Variants in FTO observed in about 807,000 individuals in gnomAD.
The protein encoded by FTO is FTO alpha-ketoglutarate dependent dioxygenase.
In FTO, 47 loss-of-function variants were observed where a neutral mutation model predicts 63.9. The observed-to-expected ratio is 0.74, with a 90% confidence interval of 0.58 to 0.94. The LOEUF is 0.94. Among genes scored for constraint, FTO ranks in the 40% least tolerant of loss-of-function variants. The pLI is 0.00. For synonymous variants in FTO, 207 were observed against 224.4 expected, an observed-to-expected ratio of 0.92 and a Z score of 0.69; for missense variants, 562 against 618.1, an observed-to-expected ratio of 0.91 and a Z score of 0.96.
intron 2 of FTO, among the ~76,000 whole-genome samples, chr16:53,820,201 G>T (rs1325568826): frequency 6.6e-6 from 1 of 151,736 alleles, no homozygotes; most frequent in Non-Finnish European, 1.5e-5. Context: ...TAGAAACAGG[G>T]TTTTACCTTG....
intron 8 of FTO, among the ~76,000 whole-genome samples, chr16:54,062,699 A>G (rs1259537312): frequency 6.6e-6 from 1 of 152,182 alleles, no homozygotes; most frequent in Admixed American, 6.5e-5. Context: ...GCTAGCAGCC[A>G]TAAGGAGAGA....
At chr16:53,823,646 A>G (rs1260934453) in intron 2 of FTO, among the ~76,000 whole-genome samples, 2 of 152,030 alleles carry the variant, frequency 1.3e-5, no homozygotes, top group Non-Finnish European at 2.9e-5. Context: ...TAAATTGTTT[A>G]TTTAGTTGTT....
In FTO at chr16:53,908,378, C is replaced by T. The variant is rs115262187; in HGVS notation, c.1239+19427C>T. Reference sequence around the variant, plus strand: ...TTTGGGATGTTGCCTCTGGCAGAACCTCAGTTATGGCCTCTGTCATTCTCC... The same window carrying T: ...TTTGGGATGTTGCCTCTGGCAGAACTTCAGTTATGGCCTCTGTCATTCTCC... On this transcript the variant is annotated intron_variant, in intron 7 of 8. Coordinates refer to ENST00000471389, the MANE Select transcript of FTO (RefSeq NM_001080432.3). Among the ~76,000 whole-genome samples the T allele has an allele frequency of 3.3e-3, 498 of 152,256 alleles. 1 individual carries two copies. Among genetic ancestry groups the T allele is most frequent in the African/African-American group, 0.011 (454 of 41,550 alleles).
intron 8 of FTO, chr16:53,991,365 C>G (rs2083806324): frequency 6.6e-6 from 1 of 152,200 alleles, no homozygotes; most frequent in African/African-American, 2.4e-5. Flanking sequence ...GCTGTGACAG[C>G]TCTTTCATGT....
chr16:53,995,284 T>C (rs1205760916), intron 8 of FTO, among the ~76,000 whole-genome samples: 1 of 152,252 alleles, frequency 6.6e-6, no homozygotes, highest in East Asian at 1.9e-4. Flanking sequence ...GGGAGATGCA[T>C]AGTAACTAGC....
chr16:54,025,993 C>A (rs1401073283), intron 8 of FTO, among the ~76,000 whole-genome samples: 1 of 151,226 alleles, frequency 6.6e-6, no homozygotes, highest in African/African-American at 2.4e-5. Context: ...ACCTGGGCAA[C>A]AGAGCAAGGC....
chr16:53,960,404 C>T (rs1424341593), intron 8 of FTO, among the ~76,000 whole-genome samples: 1 of 152,170 alleles, frequency 6.6e-6, no homozygotes, highest in Non-Finnish European at 1.5e-5. Context: ...TTGGAGCTGC[C>T]AACTTGTTTT....
chr16:54,039,654 C>T (rs2144266747), intron 8 of FTO: 1 of 152,354 alleles, frequency 6.6e-6, no homozygotes, highest in South Asian at 2.1e-4. Context: ...ATTCTCCACA[C>T]TTGTTCTAAC....
chr16:53,901,456 A>G (rs928959285), intron 7 of FTO, among the ~76,000 whole-genome samples: 30 of 152,346 alleles, frequency 2.0e-4, no homozygotes, highest in Middle Eastern at 3.4e-3. Flanking sequence ...TTATTTTGAA[A>G]TAAAGCCAAA....
chr16:53,797,071 C>G (rs561169680), intron 1 of FTO, among the ~76,000 whole-genome samples: 2 of 152,240 alleles, frequency 1.3e-5, no homozygotes, highest in Admixed American at 6.5e-5. Context: ...CTCTCTTTCT[C>G]TCTCCCTTTT....
At chr16:54,093,214 AC>A (rs1290727276) in intron 8 of FTO, among the ~76,000 whole-genome samples, 4 of 152,132 alleles carry the variant, frequency 2.6e-5, no homozygotes, top group African/African-American at 9.6e-5. Flanking sequence ...GGGCACTAGG[AC>A]CTTTGCGAGT....
At chr16:53,935,958 T>C (rs1330133102) in intron 8 of FTO, 1 of 152,204 alleles carries the variant, frequency 6.6e-6, no homozygotes, top group Non-Finnish European at 1.5e-5. Context: ...CTGTAATATC[T>C]CCTCTGCTTC....
At chr16:53,960,798 C>A (rs1261210954) in intron 8 of FTO, among the ~76,000 whole-genome samples, 1 of 152,028 alleles carries the variant, frequency 6.6e-6, no homozygotes, top group African/African-American at 2.4e-5. Context: ...AGATCCAGAG[C>A]AAAGACAAAT....
intron 8 of FTO, among the ~76,000 whole-genome samples, chr16:54,095,748 C>T (rs528495753): frequency 2.2e-4 from 34 of 152,236 alleles, no homozygotes; most frequent in African/African-American, 7.0e-4. Context: ...TGCTGCCCCC[C>T]GCCTGGGACT....
chr16:53,979,140 C>T (rs559246470), intron 8 of FTO, among the ~76,000 whole-genome samples: 106 of 151,980 alleles, frequency 7.0e-4, no homozygotes, highest in African/African-American at 2.4e-3. Context: ...AATAATTTTC[C>T]TCAATATATA....
At chr16:53,992,191 G>C (rs2083827672) in intron 8 of FTO, 1 of 152,190 alleles carries the variant, frequency 6.6e-6, no homozygotes, top group Admixed American at 6.5e-5. Flanking sequence ...AAACAACCAT[G>C]TTCTTTTTAT....
chr16:53,934,213 C>T, intron 8 of FTO, 104 bp downstream of exon 8: 3 of 1,271,852 alleles, frequency 2.4e-6, no homozygotes, highest in Non-Finnish European at 3.4e-6. Context: ...TTTGAGGGCC[C>T]ATGAAAAATA....
At chr16:53,970,219 C>T (rs1243418617) in intron 8 of FTO, among the ~76,000 whole-genome samples, 1 of 152,122 alleles carries the variant, frequency 6.6e-6, no homozygotes, top group Non-Finnish European at 1.5e-5. Context: ...TACAGTTCTC[C>T]ATCATCATTT....
chr16:54,087,426 CA>C (rs1189271229), intron 8 of FTO, among the ~76,000 whole-genome samples: 1 of 152,096 alleles, frequency 6.6e-6, no homozygotes, highest in Non-Finnish European at 1.5e-5. Context: ...GATAGACAAT[CA>C]AAAGAACTCC....
Sources: gnomAD v4.1 joint callset for allele counts (sites outside exome capture counted in the v4.1 genomes callset) on GRCh38, gnomAD v4.1.1 for gene constraint, MANE v1.5 for transcripts, NCBI Gene and HGNC (gene_info 2026-07-23, HGNC 2026-07-21) for gene names.